Variants in SULF1 observed in about 807,000 individuals in gnomAD.
SULF1 encodes sulfatase 1, also known as extracellular sulfatase Sulf-1.
In SULF1, 46 loss-of-function variants were observed where a neutral mutation model predicts 110.5. The observed-to-expected ratio is 0.42, with a 90% CI of 0.33 to 0.53. The LOEUF is 0.53. Ranked by LOEUF, SULF1 falls within the 20% of genes least tolerant of loss-of-function variation. The pLI, the probability that SULF1 is intolerant of heterozygous loss-of-function variation, is 0.12. For missense variants in SULF1, 941 were observed against 1,094.2 expected (o/e 0.86, Z 1.98); for synonymous variants, 371 against 387.1 (o/e 0.96, Z 0.49).
chr8:69,527,243 T>C (rs1812763050), intron 3 of SULF1, among the ~76,000 whole-genome samples: 1 of 152,108 alleles, frequency 6.6e-6, no homozygotes, highest in South Asian at 2.1e-4. Context: ...CGTAACCATA[T>C]TATCAATCTG....
intron 3 of SULF1, among the ~76,000 whole-genome samples, chr8:69,514,738 A>G (rs1811805041): frequency 6.6e-6 from 1 of 152,230 alleles, no homozygotes; most frequent in South Asian, 2.1e-4. Flanking sequence ...AGATACAGCC[A>G]GGGTACAGGT....
At chr8:69,560,723 T>C (rs1291007425) in intron 3 of SULF1, among the ~76,000 whole-genome samples, 1 of 152,368 alleles carries the variant, frequency 6.6e-6, no homozygotes, top group South Asian at 2.1e-4. Flanking sequence ...AGGACTTTTT[T>C]CCCTTCTTTA....
intron 19 of SULF1, chr8:69,638,194 G>C (rs16936204): frequency 0.026 from 6,844 of 266,834 alleles, 464 homozygotes; most frequent in African/African-American, 0.14. Context: ...TCATACTTCC[G>C]TCACTCACCC....
chr8:69,474,384 TAA>T (rs1044112634), intron 1 of SULF1, among the ~76,000 whole-genome samples: 1 of 152,198 alleles, frequency 6.6e-6, no homozygotes, highest in African/African-American at 2.4e-5. Context: ...CTTGCCAATT[TAA>T]AGTTTCACCC....
chr8:69,642,095 C>T lies in SULF1; in HGVS notation c.2585+1254C>T, dbSNP rs146279176. ...TGTATCCACTTGGGAGAAAAACATCCGTCAAAGAAATGTGAACTTAATTGG... is the reference window on the plus strand; with the variant it reads ...TGTATCCACTTGGGAGAAAAACATCTGTCAAAGAAATGTGAACTTAATTGG... On this transcript the variant is annotated intron_variant, in intron 22 of 22. Transcript: ENST00000402687. 3.7e-4 allele frequency: 165 copies of T among 446,194 alleles called. 2 individuals carry two copies. Among genetic ancestry groups the T allele is most frequent in the African/African-American group, 3.0e-3 (142 of 46,878 alleles). The allele number at this position is 446,194 out of a possible 1,614,324, so 27.6% of individuals were successfully genotyped here.
chr8:69,563,898 T>C lies in SULF1; in HGVS notation c.-60-18T>C. 8.7e-6 allele frequency: 13 copies of C among 1,496,510 alleles called. No individual in the cohort carries two copies. The highest frequency in any genetic ancestry group is 1.1e-5 in the Non-Finnish European group (12 of 1,086,288). 92.7% of individuals were successfully genotyped at this position (1,496,510 alleles called of 1,614,324 possible). A position where few individuals can be genotyped will look rare whatever the true frequency, so the allele number is the denominator to read the frequency against. ...TTCATTTTAGTCTCACCGTCTCCGT[T>C]TTTCTCTGACTGCCCAGAACTCCAG... On this transcript the variant is annotated intron_variant, in intron 4 of 22. Transcript: ENST00000402687.
At chr8:69,503,426 C>T (rs928257180) in intron 3 of SULF1, among the ~76,000 whole-genome samples, 5 of 151,960 alleles carry the variant, frequency 3.3e-5, no homozygotes, top group South Asian at 2.1e-4. Flanking sequence ...AAAGCTCTAA[C>T]GTAAGAAGGA....
At chr8:69,601,853 A>G (rs1384463903) in intron 10 of SULF1, 24 bp downstream of exon 10, 1 of 1,584,422 alleles carries the variant, frequency 6.3e-7, no homozygotes, top group Admixed American at 1.8e-5. Context: ...TGTTTGCAAC[A>G]TTCAACTGTC....
intron 3 of SULF1, among the ~76,000 whole-genome samples, chr8:69,557,336 A>T (rs1251401500): frequency 1.3e-5 from 2 of 152,212 alleles, no homozygotes; most frequent in African/African-American, 4.8e-5. Flanking sequence ...GGTGGTTTTC[A>T]TAATATCTAG....
intron 3 of SULF1, among the ~76,000 whole-genome samples, chr8:69,551,201 C>A (rs1444124880): frequency 6.6e-6 from 1 of 152,220 alleles, no homozygotes; most frequent in Non-Finnish European, 1.5e-5. Flanking sequence ...CCTCCTTAAT[C>A]TCTGGTGATA....
At chr8:69,652,993 G>A (rs945451944) in intron 22 of SULF1, among the ~76,000 whole-genome samples, 6 of 152,092 alleles carry the variant, frequency 3.9e-5, no homozygotes, top group African/African-American at 1.4e-4. Flanking sequence ...CATCAATTTC[G>A]GCAAACTATT....
chr8:69,643,997 G>C (rs1361382911), intron 22 of SULF1, among the ~76,000 whole-genome samples: 1 of 152,226 alleles, frequency 6.6e-6, no homozygotes, highest in African/African-American at 2.4e-5. Context: ...TGTGTCCCGG[G>C]GGTGTGTGGG....
chr8:69,590,600 A>G (rs1035796444), intron 8 of SULF1, among the ~76,000 whole-genome samples: 4 of 152,236 alleles, frequency 2.6e-5, no homozygotes, highest in Admixed American at 6.5e-5. Context: ...CAGGACAAGA[A>G]CTAACAATAT....
At chr8:69,578,386 G>T (rs955493313) in intron 6 of SULF1, among the ~76,000 whole-genome samples, 1 of 151,608 alleles carries the variant, frequency 6.6e-6, no homozygotes, top group Non-Finnish European at 1.5e-5. Flanking sequence ...AAGTTTTAGG[G>T]TACATGTGCA....
At chr8:69,598,056 C>A (rs1468648602) in intron 8 of SULF1, among the ~76,000 whole-genome samples, 1 of 151,870 alleles carries the variant, frequency 6.6e-6, no homozygotes, top group Non-Finnish European at 1.5e-5. Context: ...TAAGTCCCTC[C>A]CCACTTCCCT....
chr8:69,622,286 A>C (rs1809676461), intron 14 of SULF1, among the ~76,000 whole-genome samples: 1 of 152,192 alleles, frequency 6.6e-6, no homozygotes, highest in Non-Finnish European at 1.5e-5. Flanking sequence ...CAAATTTCTG[A>C]AAATCAATAA....
chr8:69,632,156 G>A (rs1045959120), intron 19 of SULF1, among the ~76,000 whole-genome samples: 1 of 152,202 alleles, frequency 6.6e-6, no homozygotes, highest in African/African-American at 2.4e-5. Context: ...GCTGGTGAGT[G>A]AGGAACGTGC....
At chr8:69,508,809 C>T (rs1209846393) in intron 3 of SULF1, among the ~76,000 whole-genome samples, 5 of 152,080 alleles carry the variant, frequency 3.3e-5, no homozygotes, top group Non-Finnish European at 5.9e-5. Context: ...TGATCTAGCC[C>T]GAGGTATGAT....
intron 3 of SULF1, among the ~76,000 whole-genome samples, chr8:69,527,311 GCAGA>G (rs920775561): frequency 2.0e-5 from 3 of 152,050 alleles, no homozygotes; most frequent in African/African-American, 7.2e-5. Context: ...AATAACACTA[GCAGA>G]CAGATTCCTC....
Sources: gnomAD v4.1 joint callset for allele counts (sites outside exome capture counted in the v4.1 genomes callset) on GRCh38, gnomAD v4.1.1 for gene constraint, MANE v1.5 for transcripts, NCBI Gene and HGNC (gene_info 2026-07-23, HGNC 2026-07-21) for gene names.